Variants in TMEFF2 observed in about 807,000 individuals in gnomAD.
TMEFF2 encodes tomoregulin-2.
TMEFF2 carries 28 observed loss-of-function variants against 53.8 expected under a neutral mutation model. That is an observed-to-expected ratio of 0.52 (90% CI 0.39 to 0.71). The LOEUF (loss-of-function observed/expected upper bound fraction) is 0.71, where lower values mean the gene tolerates loss of function less well. TMEFF2 is among the 30% of genes least tolerant of loss of function. The pLI, the probability that TMEFF2 is intolerant of heterozygous loss-of-function variation, is 0.00. For missense variants in TMEFF2, 353 were observed against 455.2 expected, an observed-to-expected ratio of 0.78 and a Z score of 2.04; for synonymous variants, 162 against 166.3, an observed-to-expected ratio of 0.97 and a Z score of 0.20.
intron 4 of TMEFF2, among the ~76,000 whole-genome samples, chr2:192,068,602 T>C (rs1288565012): frequency 6.6e-6 from 1 of 151,844 alleles, no homozygotes; most frequent in Non-Finnish European, 1.5e-5. Context: ...GGACTTTGGA[T>C]AAAAGAAAGC....
intron 5 of TMEFF2, among the ~76,000 whole-genome samples, chr2:192,053,646 C>T (rs948602793): frequency 2.0e-5 from 3 of 152,126 alleles, no homozygotes; most frequent in Admixed American, 6.6e-5. Flanking sequence ...TCTTTGTTGC[C>T]ACTTATCATA....
chr2:191,982,343 C>A (rs1011842024), intron 7 of TMEFF2, among the ~76,000 whole-genome samples: 1 of 151,872 alleles, frequency 6.6e-6, no homozygotes, highest in African/African-American at 2.4e-5. Context: ...AATGTAATAC[C>A]TAATACAGGT....
At chr2:192,045,016 C>G (rs1260380921) in intron 5 of TMEFF2, among the ~76,000 whole-genome samples, 1 of 152,154 alleles carries the variant, frequency 6.6e-6, no homozygotes, top group Non-Finnish European at 1.5e-5. Flanking sequence ...AAGAAGGGGC[C>G]TAATTGTCAT....
intron 5 of TMEFF2, among the ~76,000 whole-genome samples, chr2:192,049,151 C>CTGTGTG (rs35695147): frequency 0.53 from 60,925 of 114,006 alleles, 13,262 homozygotes; most frequent in South Asian, 0.66. Context: ...TACATTTGGT[C>CTGTGTG]TATGTGTGTG....
chr2:192,155,647 T>C (rs1690489828), intron 4 of TMEFF2, among the ~76,000 whole-genome samples: 1 of 151,934 alleles, frequency 6.6e-6, no homozygotes. Context: ...CTAAAATCAG[T>C]TTAAAAACCA....
At chr2:192,120,400 T>C (rs576815117) in intron 4 of TMEFF2, among the ~76,000 whole-genome samples, 4 of 152,276 alleles carry the variant, frequency 2.6e-5, no homozygotes, top group African/African-American at 9.6e-5. Flanking sequence ...ACAGTGAACA[T>C]GGGATGTACA....
chr2:192,167,102 A>G (rs947454660), intron 4 of TMEFF2, among the ~76,000 whole-genome samples: 30 of 152,128 alleles, frequency 2.0e-4, no homozygotes, highest in African/African-American at 5.8e-4. Flanking sequence ...CACAGAACAC[A>G]TTTTTAAAAG....
At chr2:192,055,730 G>A (rs768808585) in intron 5 of TMEFF2, among the ~76,000 whole-genome samples, 2 of 135,792 alleles carry the variant, frequency 1.5e-5, no homozygotes, top group Admixed American at 8.0e-5. Flanking sequence ...AGTTGAGATC[G>A]TGCCACTGCA....
chr2:192,087,917 C>T (rs1409686775), intron 4 of TMEFF2, among the ~76,000 whole-genome samples: 1 of 152,058 alleles, frequency 6.6e-6, no homozygotes. Context: ...AGTAAATTTA[C>T]TTATAAAGAA....
chr2:191,981,715 G>A (rs1337553782), intron 7 of TMEFF2, among the ~76,000 whole-genome samples: 1 of 152,164 alleles, frequency 6.6e-6, no homozygotes, highest in Non-Finnish European at 1.5e-5. Context: ...AAGCTTGGGT[G>A]CAGTTTGCCC....
chr2:192,185,611 T>C (rs1691292555), intron 2 of TMEFF2, among the ~76,000 whole-genome samples: 2 of 152,002 alleles, frequency 1.3e-5, no homozygotes, highest in South Asian at 4.1e-4. Flanking sequence ...ATAACAAACC[T>C]AAAACCCTAT....
chr2:192,122,383 G>C (rs1169021534), intron 4 of TMEFF2, among the ~76,000 whole-genome samples: 1 of 152,144 alleles, frequency 6.6e-6, no homozygotes, highest in Non-Finnish European at 1.5e-5. Context: ...TGATGTCAGA[G>C]GAATTTAGAC....
intron 9 of TMEFF2, among the ~76,000 whole-genome samples, chr2:191,952,742 A>T (rs1199915558): frequency 2.0e-5 from 3 of 152,206 alleles, no homozygotes; most frequent in African/African-American, 7.2e-5. Context: ...GAAATGCATT[A>T]TGACCCTTAT....
At chr2:192,150,583 CACT>C (rs1202442529) in intron 4 of TMEFF2, among the ~76,000 whole-genome samples, 7 of 151,670 alleles carry the variant, frequency 4.6e-5, no homozygotes, top group Non-Finnish European at 1.0e-4. Context: ...TTCTTTATTC[CACT>C]ATCAGTTCTC....
chr2:192,044,479 G>A (rs1223457698), intron 5 of TMEFF2: 1 of 152,144 alleles, frequency 6.6e-6, no homozygotes, highest in Admixed American at 6.6e-5. Context: ...TTGGATTCTG[G>A]AGGCAACATA....
chr2:192,070,349 C>CA (rs1321887368), intron 4 of TMEFF2, among the ~76,000 whole-genome samples: 1 of 151,680 alleles, frequency 6.6e-6, no homozygotes, highest in Admixed American at 6.6e-5. Flanking sequence ...TGTAGGGCTT[C>CA]ACTGCTGTTC....
intron 4 of TMEFF2, among the ~76,000 whole-genome samples, chr2:192,100,662 C>T (rs993613140): frequency 1.3e-5 from 2 of 152,166 alleles, no homozygotes; most frequent in African/African-American, 2.4e-5. Flanking sequence ...CTGTTTAAAA[C>T]TCCTTGGATT....
At chr2:192,062,209 G>A (rs1322003151) in intron 4 of TMEFF2, among the ~76,000 whole-genome samples, 2 of 152,052 alleles carry the variant, frequency 1.3e-5, no homozygotes, top group African/African-American at 2.4e-5. Flanking sequence ...CCACAGATTA[G>A]TTTTAACTAT....
At chr2:192,064,133 G>T in intron 4 of TMEFF2, among the ~76,000 whole-genome samples, 1 of 151,792 alleles carries the variant, frequency 6.6e-6, no homozygotes, top group South Asian at 2.1e-4. Flanking sequence ...GTGTAATAAA[G>T]TATTCTTAGG....
Sources: gnomAD v4.1 joint callset for allele counts (sites outside exome capture counted in the v4.1 genomes callset) on GRCh38, gnomAD v4.1.1 for gene constraint, MANE v1.5 for transcripts, NCBI Gene and HGNC (gene_info 2026-07-23, HGNC 2026-07-21) for gene names.